The following ANGPTL4 variants were observed in gnomAD, a reference collection of about 807,000 sequenced individuals.
ANGPTL4 encodes angiopoietin like 4, also known as angiopoietin-related protein 4.
A neutral mutation model predicts 39.2 loss-of-function variants in ANGPTL4; 39 were observed. The observed-to-expected ratio is 1.00, with a 90% confidence interval of 0.77 to 1.30. The LOEUF (loss-of-function observed/expected upper bound fraction) is 1.30. Among genes scored for constraint, ANGPTL4 ranks in the 50% most tolerant of loss-of-function variants. The pLI, the probability that ANGPTL4 is intolerant of heterozygous loss-of-function variation, is 0.00. For synonymous variants in ANGPTL4, 233 were observed against 229.5 expected, an observed-to-expected ratio of 1.02 and a Z score of -0.14; for missense variants, 545 against 549.8, an observed-to-expected ratio of 0.99 and a Z score of 0.09.
In ANGPTL4 at chr19:8,364,482, G is replaced by A; in HGVS notation, c.161G>A (p.Gly54Glu). Residue 54 changes from glycine to glutamate, a missense_variant, in exon 1 of 7, where the codon GGG becomes GAG. Coordinates refer to ENST00000301455, the MANE Select transcript of ANGPTL4 (RefSeq NM_139314.3). ...LAHGLLQLGQ[G>E]LREHAERTRS... ...CACGGACTCCTGCAGCTCGGCCAGGGGCTGCGCGAACACGCGGAGCGCACC... is the reference window on the plus strand; with the variant it reads ...CACGGACTCCTGCAGCTCGGCCAGGAGCTGCGCGAACACGCGGAGCGCACC... The A allele has an allele frequency of 6.4e-7, 1 of 1,565,132 alleles. No individual in the cohort carries two copies. The highest frequency in any genetic ancestry group is 1.2e-5 in the South Asian group (1 of 85,308).
At chr19:8,370,418 A>G (rs1036441860) in intron 4 of ANGPTL4, among the ~76,000 whole-genome samples, 2 of 143,112 alleles carry the variant, frequency 1.4e-5, no homozygotes, top group Non-Finnish European at 3.0e-5. Context: ...CCTCGTTTCT[A>G]AAAAAAAACA....
Position 8,366,241 on chromosome 19 carries a change from G to A in ANGPTL4, c.469G>A (p.Ala157Thr), listed in dbSNP as rs754546802. 22 of 1,614,088 alleles carry A rather than the reference G, an allele frequency of 1.4e-5. No individual in the cohort carries two copies. In the South Asian group the frequency reaches 2.3e-4, roughly 17 times the overall value. ...CCACAAGCACCTAGACCATGAGGTG[G>A]CCAAGCCTGCCCGAAGAAAGAGGCT... Reference protein sequence around the residue: ...LDHKHLDHEVAKPARRKRLPE... With the variant: ...LDHKHLDHEVTKPARRKRLPE... Residue 157 changes from alanine to threonine, a missense_variant, in exon 3 of 7, where the codon GCC (alanine) becomes ACC (threonine). Ala to Thr is a moderately conservative substitution (Grantham distance 58). Coordinates refer to ENST00000301455, the MANE Select transcript of ANGPTL4 (RefSeq NM_139314.3).
chr19:8,370,996 G>T, intron 4 of ANGPTL4, 60 bp from the exon 5 acceptor site: 1 of 1,539,144 alleles, frequency 6.5e-7, no homozygotes, highest in South Asian at 1.2e-5. Context: ...GCAGCCAGAT[G>T]AGGGAGTGGG....
chr19:8,371,644 C>T lies in ANGPTL4; in HGVS notation c.1039+122C>T, dbSNP rs534513746. 121 of 1,409,592 alleles carry T rather than the reference C, an allele frequency of 8.6e-5. No individual in the cohort carries two copies. The African/African-American group carries it at 1.5e-3, about 18-fold the overall frequency. The allele number at this position is 1,409,592 out of a possible 1,614,324, so 87.3% of individuals were successfully genotyped here. On this transcript the variant is annotated intron_variant, in intron 6 of 6. Transcript: ENST00000301455. This position sits in a 1 kb window ranked among gnomAD's most constrained non-coding sequence, Gnocchi z 5.1. ...CTGCCCCCACCTCTTCCTTACATGC[C>T]GTGTGTGTGATTGGGCCACTAACTT...
Position 8,373,983 on chromosome 19 carries a change from G to C in ANGPTL4, c.*97G>C. The C allele has an allele frequency of 7.2e-7, 1 of 1,387,482 alleles. No individual in the cohort carries two copies. The highest frequency in any genetic ancestry group is 1.0e-6 in the Non-Finnish European group (1 of 990,142). The allele number at this position is 1,387,482 out of a possible 1,614,324, so 85.9% of individuals were successfully genotyped here. The stretch of plus-strand genomic sequence containing the variant: ...TCCCTGCCTGGGCAGGGGCTCCAAG[G>C]AGGGGCCATCTGGAAACTTGTGGAC... On this transcript the variant is annotated 3_prime_UTR_variant, in exon 7 of 7. Transcript: ENST00000301455.
rs748871006 is a variant in ANGPTL4 at position 8,373,727 on chromosome 19, C to T, written c.1062C>T (p.Cys354=). The change falls in exon 7 of 7, where the codon TGC becomes TGT. Residue 354 remains cysteine (C), a synonymous_variant. Transcript: ENST00000301455. The stretch of plus-strand genomic sequence containing the variant: ...CAGGAGGCTGGTGGTTTGGCACCTG[C>T]AGCCATTCCAACCTCAACGGCCAGT... ...SLSGGWWFGT[C]SHSNLNGQYF... is the part of the protein sequence containing the mutation. The T allele has an allele frequency of 9.3e-6, 15 of 1,613,938 alleles. No individual in the cohort carries two copies. Among genetic ancestry groups the T allele is most frequent in the Non-Finnish European group, 1.3e-5 (15 of 1,180,044 alleles).
intron 3 of ANGPTL4, among the ~76,000 whole-genome samples, chr19:8,366,896 C>T (rs1280429206): frequency 6.6e-6 from 1 of 151,862 alleles, no homozygotes; most frequent in Non-Finnish European, 1.5e-5. Flanking sequence ...CGGCCCCCTC[C>T]CCACCGCAGA....
intron 3 of ANGPTL4, among the ~76,000 whole-genome samples, chr19:8,367,853 C>T (rs117760119): frequency 0.063 from 9,633 of 152,238 alleles, 420 homozygotes; most frequent in Non-Finnish European, 0.094. Context: ...CTTTTTGAGA[C>T]GGAGTCTCGC....
In ANGPTL4 at chr19:8,364,758, C is replaced by G. The variant is rs542084407; in HGVS notation, c.318+119C>G. 134 of 1,264,382 alleles carry G rather than the reference C, an allele frequency of 1.1e-4. 3 individuals carry two copies. In the South Asian group the frequency reaches 1.7e-3, roughly 16 times the overall value. 78.3% of individuals were successfully genotyped at this position (1,264,382 alleles called of 1,614,324 possible). A position where few individuals can be genotyped will look rare whatever the true frequency, so the allele number is the denominator to read the frequency against. On this transcript the variant is annotated intron_variant, in intron 1 of 6. Coordinates refer to ENST00000301455, the MANE Select transcript of ANGPTL4 (RefSeq NM_139314.3). ...AACTGTGGCTCCCTGGGCTTCCCTG[C>G]GTCAAGGGATGGGCTCCCCCCTTAG...
chr19:8,364,343 G>A lies in ANGPTL4; in HGVS notation c.22G>A (p.Gly8Arg). MSGAPTA[G>R]AALMLCAATA... The stretch of plus-strand genomic sequence containing the variant: ...GAGGATGAGCGGTGCTCCGACGGCC[G>A]GGGCAGCCCTGATGCTCTGCGCCGC... Residue 8 changes from glycine to arginine, a missense_variant, in exon 1 of 7, where the codon GGG becomes AGG. By Grantham distance (125) the Gly-to-Arg change is moderately radical. Transcript: ENST00000301455. 2 of 1,546,792 alleles carry A rather than the reference G, an allele frequency of 1.3e-6. No individual in the cohort carries two copies. The highest frequency in any genetic ancestry group is 1.7e-6 in the Non-Finnish European group (2 of 1,150,480).
At chr19:8,367,053 T>A (rs1971021077) in intron 3 of ANGPTL4, among the ~76,000 whole-genome samples, 1 of 152,092 alleles carries the variant, frequency 6.6e-6, no homozygotes, top group Admixed American at 6.6e-5. Flanking sequence ...GTGGTCCTCA[T>A]CCTTCCCTGC....
At position 8,374,134 on chromosome 19, in the gene ANGPTL4, C is replaced by T; in HGVS notation, c.*248C>T. The stretch of plus-strand genomic sequence containing the variant: ...GAGGCGTGGACCAAGGGGCATGGAG[C>T]TTCACTCCTTGCTGGCCAGGGAGTT... On this transcript the variant is annotated 3_prime_UTR_variant, in exon 7 of 7. Transcript: ENST00000301455. The T allele has an allele frequency of 2.0e-6, 1 of 510,926 alleles. No homozygotes were observed. The highest frequency in any genetic ancestry group is 2.1e-5 in the South Asian group (1 of 47,134). 31.6% of individuals were successfully genotyped at this position (510,926 alleles called of 1,614,324 possible).
Position 8,373,916 on chromosome 19 carries a change from C to T in ANGPTL4, c.*30C>T, listed in dbSNP as rs374831765. The stretch of plus-strand genomic sequence containing the variant: ...CTGGCTGGGCCTGGTCCCAGGCCCA[C>T]GAAAGACGGTGACTCTTGGCTCTGC... On this transcript the variant is annotated 3_prime_UTR_variant, in exon 7 of 7. Transcript: ENST00000301455. The T allele has an allele frequency of 6.9e-5, 110 of 1,604,898 alleles. 1 individual carries two copies. The African/African-American group carries it at 1.2e-3, about 17-fold the overall frequency.
rs774924877 is a variant in ANGPTL4, at chr19:8,371,298, G to A, written c.815G>A (p.Arg272His). The A allele has an allele frequency of 4.7e-5, 76 of 1,613,932 alleles. No individual in the cohort carries two copies. The highest frequency in any genetic ancestry group is 2.2e-4 in the East Asian group (10 of 44,874). ...VHSITGDRNS[R>H]LAVQLRDWDG... The stretch of plus-strand genomic sequence containing the variant: ...AGCATCACGGGGGACCGCAACAGCC[G>A]CCTGGCCGTGCAGCTGCGGGACTGG... Residue 272 changes from arginine (R) to histidine (H), a missense_variant, in exon 6 of 7, where the codon CGC becomes CAC. Arg to His is a conservative substitution (Grantham distance 29). Transcript: ENST00000301455. This position sits in a 1 kb window ranked among gnomAD's most constrained non-coding sequence, Gnocchi z 5.1.
In ANGPTL4 at chr19:8,371,014, G is replaced by A; in HGVS notation, c.662-42G>A. On this transcript the variant is annotated intron_variant, in intron 4 of 6. Coordinates refer to ENST00000301455, the MANE Select transcript of ANGPTL4 (RefSeq NM_139314.3). This position sits in a 1 kb window ranked among gnomAD's most constrained non-coding sequence, Gnocchi z 5.1. ...GCCAGATGAGGGAGTGGGGTCGTCT[G>A]TGAAGAGGGACTTCCTGGTGACCTT... The A allele has an allele frequency of 1.3e-6, 2 of 1,555,368 alleles. No homozygotes were observed. Among genetic ancestry groups the A allele is most frequent in the Non-Finnish European group, 8.7e-7 (1 of 1,148,502 alleles).
chr19:8,373,885 A>G lies in ANGPTL4; in HGVS notation c.1220A>G (p.Ter407TrpextTer14), dbSNP rs757767253. Residue 407 changes from the stop codon to tryptophan (W), a stop_lost, in exon 7 of 7, where the codon TAG (stop) becomes TGG (tryptophan). Transcript: ENST00000301455. Reference protein sequence around the residue: ...IQPMAAEAAS* With the variant: ...IQPMAAEAASW ...CCCATGGCAGCAGAGGCAGCCTCCT[A>G]GCGTCCTGGCTGGGCCTGGTCCCAG... 2 of 1,612,914 alleles carry G rather than the reference A, an allele frequency of 1.2e-6. No individual in the cohort carries two copies. The highest frequency in any genetic ancestry group is 4.5e-5 in the East Asian group (2 of 44,874).
chr19:8,369,287 C>T lies in ANGPTL4; in HGVS notation c.616C>T (p.Pro206Ser), dbSNP rs1345559732. The stretch of plus-strand genomic sequence containing the variant: ...GCAGAGTGGACTATTTGAAATCCAG[C>T]CTCAGGGGTCTCCGCCATTTTTGGT... ...ERQSGLFEIQ[P>S]QGSPPFLVNC... The change falls in exon 4 of 7, where the codon CCT becomes TCT. Residue 206 changes from proline to serine, a missense_variant. Coordinates refer to ENST00000301455, the MANE Select transcript of ANGPTL4 (RefSeq NM_139314.3). 1.9e-6 allele frequency: 3 copies of T among 1,612,278 alleles called. No individual in the cohort carries two copies. The highest frequency in any genetic ancestry group is 3.3e-5 in the Admixed American group (2 of 59,928).
intron 3 of ANGPTL4, among the ~76,000 whole-genome samples, chr19:8,366,922 GCCA>G (rs985545428): frequency 2.2e-5 from 3 of 135,504 alleles, no homozygotes; most frequent in South Asian, 2.3e-4. Context: ...GGCTTTTGCT[GCCA>G]CCACAAGTTG....
In ANGPTL4 at chr19:8,371,574, T is replaced by G; in HGVS notation, c.1039+52T>G. 1 of 1,608,774 alleles carries G rather than the reference T, an allele frequency of 6.2e-7. No individual in the cohort carries two copies. The highest frequency in any genetic ancestry group is 1.3e-5 in the African/African-American group (1 of 75,010). Reference sequence around the variant, plus strand: ...CAGCCAGCAGCTTCCCTCCTTATCTTTCTGCTGCTCTGTCCTGCCTTCAAC... The same window carrying G: ...CAGCCAGCAGCTTCCCTCCTTATCTGTCTGCTGCTCTGTCCTGCCTTCAAC... On this transcript the variant is annotated intron_variant, in intron 6 of 6. Transcript: ENST00000301455. This position sits in a 1 kb window ranked among gnomAD's most constrained non-coding sequence, Gnocchi z 5.1.
Sources: gnomAD v4.1 joint callset for allele counts (sites outside exome capture counted in the v4.1 genomes callset) on GRCh38, gnomAD v4.1.1 for gene constraint, Gnocchi (gnomAD v3.1) non-coding constraint, MANE v1.5 for transcripts, NCBI Gene and HGNC (gene_info 2026-07-23, HGNC 2026-07-21) for gene names.